The following ADAMDEC1 variants were observed in gnomAD, a reference collection of about 807,000 sequenced individuals.
The protein encoded by ADAMDEC1 is ADAM DEC1.
A neutral mutation model predicts 60.4 loss-of-function variants in ADAMDEC1; 62 were observed. That is an observed-to-expected ratio of 1.03 (90% CI 0.84 to 1.27). The LOEUF is 1.27. ADAMDEC1 is among the 50% of genes most tolerant of loss of function. The pLI, the probability that ADAMDEC1 is intolerant of heterozygous loss-of-function variation, is 0.00. For synonymous variants in ADAMDEC1, 210 were observed against 195.1 expected (o/e 1.08, Z -0.64); for missense variants, 595 against 565.0 (o/e 1.05, Z -0.54).
Position 24,397,668 on chromosome 8 carries a change from T to C in ADAMDEC1, c.628-15T>C, listed in dbSNP as rs1169377537. On this transcript the variant is annotated splice_polypyrimidine_tract_variant and intron_variant, in intron 6 of 13. Coordinates refer to ENST00000256412, the MANE Select transcript of ADAMDEC1 (RefSeq NM_014479.3). Reference sequence around the variant, plus strand: ...AAAGATAATGATTAACAATGTTCTTTTATTCTTTGTAAAGAAAGAAGACTT... The same window carrying C: ...AAAGATAATGATTAACAATGTTCTTCTATTCTTTGTAAAGAAAGAAGACTT... The C allele has an allele frequency of 6.2e-7, 1 of 1,609,030 alleles. No homozygotes were observed. Among genetic ancestry groups the C allele is most frequent in the East Asian group, 2.2e-5 (1 of 44,744 alleles).
chr8:24,397,788 C>G (rs370750181), intron 7 of ADAMDEC1, 43 bp downstream of exon 7: 19 of 1,566,560 alleles, frequency 1.2e-5, no homozygotes, highest in Non-Finnish European at 1.7e-5. Context: ...TTCAGTCACC[C>G]TTTAAGTTTA....
intron 4 of ADAMDEC1, among the ~76,000 whole-genome samples, chr8:24,394,765 A>AAGC (rs1260379307): frequency 6.6e-6 from 1 of 152,130 alleles, no homozygotes. Flanking sequence ...TCTGCCACAG[A>AAGC]ATGGTTCTTT....
rs1563355628 is a variant in ADAMDEC1, at chr8:24,397,313, C to T, written c.484C>T (p.Leu162=). The change falls in exon 6 of 14, where the codon CTG becomes TTG. Residue 162 remains leucine (L), a synonymous_variant. Transcript: ENST00000256412. Reference sequence around the variant, plus strand: ...TCACCAAAGATACCAGATAAAACCTCTGAAAAGCACAGACGAGAAAGAACA... The same window carrying T: ...TCACCAAAGATACCAGATAAAACCTTTGAAAAGCACAGACGAGAAAGAACA... ...HHHQRYQIKP[L]KSTDEKEHAV... is the part of the protein sequence containing the mutation. 1 of 1,613,892 alleles carries T rather than the reference C, an allele frequency of 6.2e-7. No homozygotes were observed. Among genetic ancestry groups the T allele is most frequent in the South Asian group, 1.1e-5 (1 of 91,054 alleles).
intron 1 of ADAMDEC1, chr8:24,388,002 A>C (rs916308130): frequency 6.6e-6 from 1 of 152,334 alleles, no homozygotes; most frequent in Non-Finnish European, 1.5e-5. Flanking sequence ...CTGGAGCAAA[A>C]ACAAACTGTA....
chr8:24,405,407 C>T lies in ADAMDEC1; in HGVS notation c.*109C>T. On this transcript the variant is annotated 3_prime_UTR_variant, in exon 14 of 14. Transcript: ENST00000256412. ...TCACCCATAATGGTCTTTCACTTGTCATTCTACTTTCTATATTGTTATCAG... is the reference window on the plus strand; with the variant it reads ...TCACCCATAATGGTCTTTCACTTGTTATTCTACTTTCTATATTGTTATCAG... 8.0e-7 allele frequency: 1 copy of T among 1,254,630 alleles called. No homozygotes were observed. Among genetic ancestry groups the T allele is most frequent in the Non-Finnish European group, 1.1e-6 (1 of 874,056 alleles). 77.7% of individuals were successfully genotyped at this position (1,254,630 alleles called of 1,614,324 possible).
At chr8:24,401,551 C>A (rs1817766280) in intron 11 of ADAMDEC1, among the ~76,000 whole-genome samples, 1 of 152,136 alleles carries the variant, frequency 6.6e-6, no homozygotes. Context: ...TTCACTGGTT[C>A]ATTATTATTA....
chr8:24,390,068 A>T (rs1817398589), intron 1 of ADAMDEC1: 3 of 421,414 alleles, frequency 7.1e-6, no homozygotes, highest in Non-Finnish European at 4.7e-6. Flanking sequence ...TTCCCAATAG[A>T]ATGTAAATTT....
Position 24,399,046 on chromosome 8 carries a change from C to T in ADAMDEC1, c.929+6C>T. ...GACCATGCTCAGCTTCTCAGGTGAG[C>T]ACATGCTGGCCAGGTGAATGTAGGC... On this transcript the variant is annotated splice_donor_region_variant and intron_variant, in intron 9 of 13. Transcript: ENST00000256412. 1 of 1,609,964 alleles carries T rather than the reference C, an allele frequency of 6.2e-7. No individual in the cohort carries two copies. Among genetic ancestry groups the T allele is most frequent in the Middle Eastern group, 1.7e-4 (1 of 6,028 alleles).
intron 5 of ADAMDEC1, among the ~76,000 whole-genome samples, chr8:24,396,477 A>G (rs1817616304): frequency 6.6e-6 from 1 of 152,160 alleles, no homozygotes; most frequent in African/African-American, 2.4e-5. Flanking sequence ...GCTCCACTGC[A>G]CTCTAGCTTG....
Position 24,405,415 on chromosome 8 carries a change from T to C in ADAMDEC1, c.*117T>C. 8.3e-7 allele frequency: 1 copy of C among 1,199,308 alleles called. No individual in the cohort carries two copies. Among genetic ancestry groups the C allele is most frequent in the South Asian group, 1.3e-5 (1 of 74,612 alleles). 74.3% of individuals were successfully genotyped at this position (1,199,308 alleles called of 1,614,324 possible). On this transcript the variant is annotated 3_prime_UTR_variant, in exon 14 of 14. Transcript: ENST00000256412. ...AATGGTCTTTCACTTGTCATTCTAC[T>C]TTCTATATTGTTATCAGTCCAGGAA... is the stretch of plus-strand genomic sequence containing the variant.
At chr8:24,393,750 G>A (rs1425196365) in intron 3 of ADAMDEC1, among the ~76,000 whole-genome samples, 1 of 152,116 alleles carries the variant, frequency 6.6e-6, no homozygotes, top group Non-Finnish European at 1.5e-5. Context: ...GGGCCTATAA[G>A]CATATTTGTG....
rs1817727138 is a variant in ADAMDEC1, at chr8:24,400,239, C to T, written c.1081C>T (p.Pro361Ser). 5 of 1,611,850 alleles carry T rather than the reference C, an allele frequency of 3.1e-6. No individual in the cohort carries two copies. Among genetic ancestry groups the T allele is most frequent in the Non-Finnish European group, 4.2e-6 (5 of 1,178,854 alleles). The change falls in exon 11 of 14, where the codon CCT becomes TCT. Residue 361 changes from proline (P) to serine (S), a missense_variant. By Grantham distance (74) the Pro-to-Ser change is moderately conservative (BLOSUM62 -1). Transcript: ENST00000256412. ...SHELGHVLGM[P>S]DVPFNTKCPS... ...TGAGCTGGGCCATGTCCTTGGTATG[C>T]CTGATGTTCCATTCAACACCAAGTG...
chr8:24,395,999 T>C (rs1394699840), intron 5 of ADAMDEC1, among the ~76,000 whole-genome samples: 3 of 152,200 alleles, frequency 2.0e-5, no homozygotes, highest in Non-Finnish European at 2.9e-5. Flanking sequence ...GGCCTAGCAA[T>C]GTAAAACAAG....
chr8:24,388,036 C>T (rs1295481715), intron 1 of ADAMDEC1: 1 of 152,402 alleles, frequency 6.6e-6, no homozygotes, highest in African/African-American at 2.4e-5. Flanking sequence ...TATTGTTCCC[C>T]TTTCAGGGAA....
rs1171715716 is a variant in ADAMDEC1 at position 24,404,096 on chromosome 8, CT to C, written c.1406+12del. 1 of 1,609,428 alleles carries C rather than the reference CT, an allele frequency of 6.2e-7. No homozygotes were observed. The highest frequency in any genetic ancestry group is 8.5e-7 in the Non-Finnish European group (1 of 1,178,392). On this transcript the variant is annotated intron_variant, in intron 13 of 13. Transcript: ENST00000256412. ...TGCTCCAAACCATACCACGTAAGAC[CT>C]TTTGTTTTCTTTGTTCCAAAACGTT...
chr8:24,384,514 G>A lies in ADAMDEC1; in HGVS notation c.10G>A (p.Gly4Arg), dbSNP rs1044177364. The A allele has an allele frequency of 1.9e-6, 3 of 1,608,006 alleles. No individual in the cohort carries two copies. Among genetic ancestry groups the A allele is most frequent in the Admixed American group, 1.7e-5 (1 of 59,360 alleles). The change falls in exon 1 of 14, where the codon GGG becomes AGG. Residue 4 changes from glycine to arginine, a missense_variant. Transcript: ENST00000256412. MLR[G>R]ISQLPAVATM... Reference sequence around the variant, plus strand: ...GGGAGACCACAACTTCATGCTGCGTGGGATCTCCCAGCTACCTGCAGTGGC... The same window carrying A: ...GGGAGACCACAACTTCATGCTGCGTAGGATCTCCCAGCTACCTGCAGTGGC...
At chr8:24,400,396 G>T in intron 11 of ADAMDEC1, 96 bp downstream of exon 11, 1 of 1,289,650 alleles carries the variant, frequency 7.8e-7, no homozygotes, top group Non-Finnish European at 1.0e-6. Flanking sequence ...TTAAATATTA[G>T]ATCTTGTGTT....
intron 5 of ADAMDEC1, 101 bp from the exon 6 acceptor site, chr8:24,397,169 G>C: frequency 9.5e-7 from 1 of 1,053,956 alleles, no homozygotes; most frequent in Non-Finnish European, 1.4e-6. Context: ...ACAAGGCTAT[G>C]TGTGAAATTG....
chr8:24,399,391 A>G lies in ADAMDEC1; in HGVS notation c.930-2A>G, dbSNP rs1226648249. The G allele has an allele frequency of 1.2e-6, 2 of 1,613,544 alleles. No homozygotes were observed. The highest frequency in any genetic ancestry group is 3.3e-5 in the Admixed American group (2 of 60,006). On this transcript the variant is annotated splice_acceptor_variant, in intron 9 of 13. Transcript: ENST00000256412. LOFTEE classifies it high-confidence loss of function. The stretch of plus-strand genomic sequence containing the variant: ...CAGTAGTATCTGTAACTTTTCATAC[A>G]GCGGGATTAGCTTCAACAATCGACG...
Sources: gnomAD v4.1 joint callset for allele counts (sites outside exome capture counted in the v4.1 genomes callset) on GRCh38, gnomAD v4.1.1 for gene constraint, MANE v1.5 for transcripts, NCBI Gene and HGNC (gene_info 2026-07-23, HGNC 2026-07-21) for gene names.